The following RABEPK variants were observed in gnomAD, a reference collection of about 807,000 sequenced individuals.
The protein encoded by RABEPK is Rab9 effector protein with kelch motifs.
In RABEPK, 27 loss-of-function variants were observed where a neutral mutation model predicts 34.1. The observed-to-expected ratio is 0.79, with a 90% CI of 0.58 to 1.09. The LOEUF is 1.09. Ranked by LOEUF, RABEPK falls within the 50% of genes least tolerant of loss-of-function variation. RABEPK has a pLI of 0.00. For missense variants in RABEPK, 449 were observed against 462.6 expected (o/e 0.97, Z 0.27); for synonymous variants, 172 against 169.2 (o/e 1.02, Z -0.13).
chr9:125,227,821 G>C, intron 5 of RABEPK, 89 bp from the exon 6 acceptor site: 3 of 1,305,328 alleles, frequency 2.3e-6, no homozygotes, highest in Middle Eastern at 2.1e-4. Context: ...AGCTCCGCTT[G>C]CTAGGAGGTG....
intron 5 of RABEPK, chr9:125,221,906 C>T (rs1831366399): frequency 6.6e-6 from 1 of 151,936 alleles, no homozygotes; most frequent in South Asian, 2.1e-4. Flanking sequence ...TGAAGCCTGA[C>T]CTCAGGTAAT....
chr9:125,215,995 TTTA>T (rs879863297), intron 4 of RABEPK, among the ~76,000 whole-genome samples: 3 of 152,154 alleles, frequency 2.0e-5, no homozygotes, highest in Non-Finnish European at 4.4e-5. Context: ...TTGTACATAG[TTTA>T]AATATGCATT....
chr9:125,220,244 C>T (rs1355128722), intron 4 of RABEPK: 14 of 1,247,852 alleles, frequency 1.1e-5, no homozygotes, highest in South Asian at 9.3e-5. Context: ...TCAAGTGATC[C>T]GCCCGCCTTG....
At chr9:125,204,489 G>A (rs1830095451) in intron 2 of RABEPK, among the ~76,000 whole-genome samples, 1 of 151,998 alleles carries the variant, frequency 6.6e-6, no homozygotes. Flanking sequence ...GGCTGAGGCA[G>A]GACAATTCTT....
chr9:125,203,485 G>A (rs1015797043), intron 2 of RABEPK, among the ~76,000 whole-genome samples: 1 of 152,184 alleles, frequency 6.6e-6, no homozygotes, highest in South Asian at 2.1e-4. Context: ...GTGGGTGCTG[G>A]AGGTAGAATT....
intron 4 of RABEPK, among the ~76,000 whole-genome samples, chr9:125,219,014 G>C (rs1432575574): frequency 6.6e-6 from 1 of 150,720 alleles, no homozygotes; most frequent in Non-Finnish European, 1.5e-5. Context: ...TTACAGGCAT[G>C]AGCCACCGAG....
rs765646085 is a variant in RABEPK, at chr9:125,233,779, G to A, written c.918G>A (p.Thr306=). The part of the protein sequence containing the change: ...HSMCIIPWPV[T]CASEKEDSNS... Reference sequence around the variant, plus strand: ...TGTGTATCATTCCATGGCCAGTGACGTGTGCTTCTGAGAAAGAAGATTCCA... The same window carrying A: ...TGTGTATCATTCCATGGCCAGTGACATGTGCTTCTGAGAAAGAAGATTCCA... Residue 306 remains threonine (T), a synonymous_variant, in exon 8 of 8, where the codon ACG becomes ACA. Transcript: ENST00000373538. The A allele has an allele frequency of 2.1e-5, 34 of 1,613,862 alleles. No homozygotes were observed. Among genetic ancestry groups the A allele is most frequent in the African/African-American group, 1.1e-4 (8 of 74,916 alleles).
rs34676967 is a variant in RABEPK, at chr9:125,232,217, T to TACACACACAC, written c.677-359_677-350dup. On this transcript the variant is annotated intron_variant, in intron 6 of 7. Transcript: ENST00000373538. Reference sequence around the variant, plus strand: ...CCCGGCCCAGGAACTGTATTTAAAGTACACACACACACACACACACACACA... The same window carrying TACACACACAC: ...CCCGGCCCAGGAACTGTATTTAAAGTACACACACACACACACACACACACACACACACACA... Among the ~76,000 whole-genome samples, 99 of 118,172 alleles carry TACACACACAC rather than the reference T, an allele frequency of 8.4e-4. 1 individual carries two copies. The highest frequency in any genetic ancestry group is 2.8e-3 in the African/African-American group (93 of 33,654). The allele number at this position is 118,172 out of a possible 152,430, so 77.5% of individuals were successfully genotyped here. A position where few individuals can be genotyped will look rare whatever the true frequency, so the allele number is the denominator to read the frequency against.
chr9:125,213,978 T>G (rs1830751703), intron 4 of RABEPK, among the ~76,000 whole-genome samples: 1 of 151,924 alleles, frequency 6.6e-6, no homozygotes. Context: ...AAAAATTAGC[T>G]GGGTGTAGTG....
chr9:125,233,973 T>C lies in RABEPK; in HGVS notation c.1112T>C (p.Val371Ala), dbSNP rs1473824697. 1 of 1,600,386 alleles carries C rather than the reference T, an allele frequency of 6.2e-7. No homozygotes were observed. Among genetic ancestry groups the C allele is most frequent in the Admixed American group, 1.7e-5 (1 of 58,980 alleles). Residue 371 changes from valine (V) to alanine (A), a missense_variant, in exon 8 of 8, where the codon GTG becomes GCG. Transcript: ENST00000373538. ...TATGACGATTGTATTGTGACTGTAGTGGACTAATAAAACCCACATTTTTAT... is the reference window on the plus strand; with the variant it reads ...TATGACGATTGTATTGTGACTGTAGCGGACTAATAAAACCCACATTTTTAT... ...EIYDDCIVTV[V>A]D
chr9:125,206,353 C>A (rs1017237784), intron 2 of RABEPK, among the ~76,000 whole-genome samples: 5 of 152,052 alleles, frequency 3.3e-5, no homozygotes, highest in Admixed American at 3.3e-4. Flanking sequence ...CAAAAATTAG[C>A]CAGGCATGGT....
At chr9:125,208,036 A>G (rs1424993150) in intron 3 of RABEPK, among the ~76,000 whole-genome samples, 1 of 152,178 alleles carries the variant, frequency 6.6e-6, no homozygotes, top group Non-Finnish European at 1.5e-5. Flanking sequence ...CTGAGACAGG[A>G]GAATTACTTT....
At chr9:125,231,894 ATTTTT>A (rs555538576) in intron 6 of RABEPK, among the ~76,000 whole-genome samples, 8 of 112,654 alleles carry the variant, frequency 7.1e-5, no homozygotes, top group African/African-American at 2.3e-4. Flanking sequence ...AAGGAACTGT[ATTTTT>A]TTTTTTTTTT....
intron 5 of RABEPK, 41 bp from the exon 6 acceptor site, chr9:125,227,869 A>C: frequency 6.7e-7 from 1 of 1,492,144 alleles, no homozygotes. Flanking sequence ...GTTCTTTTTT[A>C]ATAGTTTTGC....
intron 2 of RABEPK, among the ~76,000 whole-genome samples, chr9:125,206,531 G>A (rs1168413970): frequency 6.6e-6 from 1 of 151,932 alleles, no homozygotes; most frequent in Non-Finnish European, 1.5e-5. Context: ...ATAGTGGAAT[G>A]ACCGAATTCT....
At chr9:125,224,636 A>G (rs916015845) in intron 5 of RABEPK, among the ~76,000 whole-genome samples, 2 of 151,892 alleles carry the variant, frequency 1.3e-5, no homozygotes, top group African/African-American at 4.8e-5. Flanking sequence ...AAATATTCTT[A>G]GTAGAGATGG....
In RABEPK at chr9:125,227,980, G is replaced by T; in HGVS notation, c.597G>T (p.Val199=). ...CTCCCCGGCATGGTCATGTGATGGT[G>T]GCAGCAGGGACAAAGCTCTTCATCC... ...PPSPRHGHVM[V]AAGTKLFIHG... is the part of the protein sequence containing the mutation. Residue 199 remains valine (V), a synonymous_variant, in exon 6 of 8, where the codon GTG becomes GTT. Transcript: ENST00000373538. 1 of 1,608,642 alleles carries T rather than the reference G, an allele frequency of 6.2e-7. No individual in the cohort carries two copies. Among genetic ancestry groups the T allele is most frequent in the South Asian group, 1.1e-5 (1 of 90,254 alleles).
At chr9:125,225,652 G>A (rs868575172) in intron 5 of RABEPK, among the ~76,000 whole-genome samples, 8 of 151,616 alleles carry the variant, frequency 5.3e-5, no homozygotes, top group South Asian at 2.1e-4. Context: ...GTGAAACCCC[G>A]TCTCTACTAA....
At chr9:125,232,056 T>C (rs1286672440) in intron 6 of RABEPK, among the ~76,000 whole-genome samples, 1 of 151,608 alleles carries the variant, frequency 6.6e-6, no homozygotes, top group African/African-American at 2.4e-5. Flanking sequence ...TGCACCACCA[T>C]GCCTGGCTAA....
Sources: gnomAD v4.1 joint callset for allele counts (sites outside exome capture counted in the v4.1 genomes callset) on GRCh38, gnomAD v4.1.1 for gene constraint, MANE v1.5 for transcripts, NCBI Gene and HGNC (gene_info 2026-07-23, HGNC 2026-07-21) for gene names.